The following ACAA2 variants were observed in gnomAD, a reference collection of about 807,000 sequenced individuals.
The protein encoded by ACAA2 is 3-ketoacyl-CoA thiolase, mitochondrial.
A neutral mutation model predicts 44.8 loss-of-function variants in ACAA2; 35 were observed. The observed-to-expected ratio is 0.78, with a 90% confidence interval of 0.60 to 1.04. ACAA2 has a LOEUF of 1.04. ACAA2 is among the 50% of genes least tolerant of loss of function. The pLI, the probability that ACAA2 is intolerant of heterozygous loss-of-function variation, is 0.00. For missense variants in ACAA2, 468 were observed against 482.6 expected (o/e 0.97, Z 0.28); for synonymous variants, 142 against 166.5 (o/e 0.85, Z 1.13).
At chr18:49,795,644 C>T (rs555374267) in intron 4 of ACAA2, 121 bp downstream of exon 4, 9 of 563,498 alleles carry the variant, frequency 1.6e-5, no homozygotes, top group Admixed American at 3.5e-5. Context: ...CATATCTTGC[C>T]AATCCTCATC....
At position 49,787,260 on chromosome 18, in the gene ACAA2, TAAAAAAAAAAAAA is replaced by T; in HGVS notation, c.954+18_954+30del. 9.8e-7 allele frequency: 1 copy of T among 1,023,526 alleles called. No individual in the cohort carries two copies. The highest frequency in any genetic ancestry group is 1.3e-6 in the Non-Finnish European group (1 of 777,130). The allele number at this position is 1,023,526 out of a possible 1,614,324, so 63.4% of individuals were successfully genotyped here. A position where few individuals can be genotyped will look rare whatever the true frequency, so the allele number is the denominator to read the frequency against. On this transcript the variant is annotated intron_variant, in intron 8 of 9. Coordinates refer to ENST00000285093, the MANE Select transcript of ACAA2 (RefSeq NM_006111.3). ...AAAGTACATGGTTTATTCATGTTGT[TAAAAAAAAAAAAA>T]AAAAAAAAAACACTTACCTCTACCA...
intron 8 of ACAA2, chr18:49,785,879 G>C (rs565843518): frequency 3.3e-5 from 5 of 152,714 alleles, no homozygotes; most frequent in African/African-American, 1.2e-4. Context: ...TGCAGTACTA[G>C]GAGCTATCCT....
chr18:49,803,910 T>C (rs1003390778), intron 1 of ACAA2, among the ~76,000 whole-genome samples: 22 of 23,172 alleles, frequency 9.5e-4, no homozygotes, highest in Non-Finnish European at 1.3e-3. Flanking sequence ...TGATATTGCT[T>C]TTTTTTTTTT....
At chr18:49,795,931 A>C in intron 3 of ACAA2, 50 bp from the exon 4 acceptor site, 1 of 1,135,314 alleles carries the variant, frequency 8.8e-7, no homozygotes, top group Non-Finnish European at 1.3e-6. Flanking sequence ...TACCCAAACA[A>C]TGTATTAAGA....
At chr18:49,807,668 T>TA (rs957502876) in intron 1 of ACAA2, among the ~76,000 whole-genome samples, 2 of 151,966 alleles carry the variant, frequency 1.3e-5, no homozygotes, top group African/African-American at 4.8e-5. Flanking sequence ...CCTGTCTCTA[T>TA]AAAAAATTAA....
intron 7 of ACAA2, 131 bp from the exon 8 acceptor site, chr18:49,787,492 T>G (rs1367244068): frequency 1.6e-6 from 1 of 630,704 alleles, no homozygotes; most frequent in African/African-American, 1.9e-5. Flanking sequence ...CAAATCTTAC[T>G]ACCTTGACCG....
intron 5 of ACAA2, among the ~76,000 whole-genome samples, chr18:49,793,485 C>T (rs1185151101): frequency 1.3e-5 from 2 of 152,188 alleles, no homozygotes; most frequent in Admixed American, 6.5e-5. Context: ...ACTGATAACT[C>T]TTGACTTCTA....
Position 49,792,304 on chromosome 18 carries a change from C to T in ACAA2, c.601G>A (p.Asp201Asn). The T allele has an allele frequency of 6.2e-7, 1 of 1,613,706 alleles. No individual in the cohort carries two copies. The highest frequency in any genetic ancestry group is 1.1e-5 in the South Asian group (1 of 91,038). ...KAANDAGYFNDEMAPIEVKTK... is the reference protein window; with the variant it reads ...KAANDAGYFNNEMAPIEVKTK... Reference sequence around the variant, plus strand: ...TTCACTTCAATTGGTGCCATTTCATCATTAAAGTAGCCAGCATCATTAGCT... The same window carrying T: ...TTCACTTCAATTGGTGCCATTTCATTATTAAAGTAGCCAGCATCATTAGCT... Residue 201 changes from aspartate (D) to asparagine (N), a missense_variant, in exon 6 of 10, where the codon GAT becomes AAT. Physicochemically the swap from Asp to Asn is conservative, Grantham distance 23. Transcript: ENST00000285093.
chr18:49,785,213 G>C lies in ACAA2; in HGVS notation c.1093C>G (p.Leu365Val), dbSNP rs1456030709. The C allele has an allele frequency of 1.9e-6, 3 of 1,612,404 alleles. No homozygotes were observed. Among genetic ancestry groups the C allele is most frequent in the Admixed American group, 3.4e-5 (2 of 59,194 alleles). Residue 365 changes from leucine to valine, a missense_variant, in exon 9 of 10, where the codon CTG (leucine) becomes GTG (valine). Coordinates refer to ENST00000285093, the MANE Select transcript of ACAA2 (RefSeq NM_006111.3). ...GGSGSRITAH[L>V]VHELRRRGGK... ...AGCAAATACCTTAATTCGTGAACCA[G>C]GTGTGCAGTAATTCTTGATCCAGAT...
At chr18:49,789,185 G>A (rs644986) in intron 7 of ACAA2, among the ~76,000 whole-genome samples, 2 of 151,362 alleles carry the variant, frequency 1.3e-5, no homozygotes, top group East Asian at 3.9e-4. Flanking sequence ...GGCTTTCCCC[G>A]TTTTTTTTTG....
chr18:49,810,206 T>C (rs1234893433), intron 1 of ACAA2, among the ~76,000 whole-genome samples: 2 of 152,206 alleles, frequency 1.3e-5, no homozygotes, highest in Non-Finnish European at 2.9e-5. Context: ...AATTTGTATA[T>C]TAAAGCTTGG....
intron 1 of ACAA2, among the ~76,000 whole-genome samples, chr18:49,807,352 G>C (rs1598802740): frequency 6.6e-6 from 1 of 152,188 alleles, no homozygotes; most frequent in Admixed American, 6.5e-5. Flanking sequence ...CTGGGTGACA[G>C]AGTGAGATCT....
intron 1 of ACAA2, among the ~76,000 whole-genome samples, chr18:49,805,002 C>T (rs145259221): frequency 6.6e-6 from 1 of 152,294 alleles, no homozygotes; most frequent in Admixed American, 6.5e-5. Context: ...GCTAATCTTC[C>T]CAGCAACTCT....
chr18:49,807,497 A>C (rs1423882572), intron 1 of ACAA2, among the ~76,000 whole-genome samples: 1 of 152,246 alleles, frequency 6.6e-6, no homozygotes, highest in Non-Finnish European at 1.5e-5. Context: ...CACCAAAAGC[A>C]GGATCCATGA....
chr18:49,813,210 C>T (rs917193253), intron 1 of ACAA2, among the ~76,000 whole-genome samples: 1 of 152,262 alleles, frequency 6.6e-6, no homozygotes, highest in Non-Finnish European at 1.5e-5. Context: ...TCCAAGGTCA[C>T]ATGCAAGCAA....
intron 1 of ACAA2, 105 bp downstream of exon 1, chr18:49,813,364 C>T (rs2023693747): frequency 1.1e-6 from 1 of 938,930 alleles, no homozygotes; most frequent in Non-Finnish European, 1.4e-6. Context: ...GTTGAGTGAA[C>T]TTCACCCCAC....
At chr18:49,787,683 A>G (rs1484307150) in intron 7 of ACAA2, among the ~76,000 whole-genome samples, 2 of 152,178 alleles carry the variant, frequency 1.3e-5, no homozygotes, top group Non-Finnish European at 2.9e-5. Context: ...AAATGGAACC[A>G]AGGTGAAAAG....
chr18:49,812,447 C>G (rs1024192533), intron 1 of ACAA2, among the ~76,000 whole-genome samples: 1 of 152,132 alleles, frequency 6.6e-6, no homozygotes, highest in African/African-American at 2.4e-5. Context: ...TCGACATTTC[C>G]TTCTTATATT....
At chr18:49,796,622 CAAA>C (rs2023467967) in intron 3 of ACAA2, among the ~76,000 whole-genome samples, 1 of 152,144 alleles carries the variant, frequency 6.6e-6, no homozygotes, top group Admixed American at 6.6e-5. Flanking sequence ...TTAAAAAGGT[CAAA>C]CTAGTTTGTA....
Sources: gnomAD v4.1 joint callset for allele counts (sites outside exome capture counted in the v4.1 genomes callset) on GRCh38, gnomAD v4.1.1 for gene constraint, MANE v1.5 for transcripts, NCBI Gene and HGNC (gene_info 2026-07-23, HGNC 2026-07-21) for gene names.